Variants in RPS6KA2 observed in about 807,000 individuals in gnomAD.
RPS6KA2 encodes the protein ribosomal protein S6 kinase A2, also known as ribosomal protein S6 kinase alpha-2.
RPS6KA2 carries 42 observed loss-of-function variants against 91.8 expected under a neutral mutation model. That is an observed-to-expected ratio of 0.46 (90% CI 0.36 to 0.59). The LOEUF is 0.59. Ranked by LOEUF, RPS6KA2 falls within the 20% of genes least tolerant of loss-of-function variation. The probability of loss-of-function intolerance (pLI) is 0.00; values close to 1 mark genes in which losing one functional copy is unlikely to be tolerated. For missense variants in RPS6KA2, 798 were observed against 978.5 expected, an observed-to-expected ratio of 0.82 and a Z score of 2.46; for synonymous variants, 414 against 393.6, an observed-to-expected ratio of 1.05 and a Z score of -0.61.
At position 166,412,880 on chromosome 6, in the gene RPS6KA2, A is replaced by G. The variant is rs1420173811; in HGVS notation, c.2084T>C (p.Met695Thr). The G allele has an allele frequency of 6.4e-7, 1 of 1,554,724 alleles. No homozygotes were observed. The highest frequency in any genetic ancestry group is 2.0e-5 in the Admixed American group (1 of 51,158). Reference sequence around the variant, plus strand: ...GTTTAGAGCAAAGTAGGTGGCGGCCATCGCGCCCTGCAAAACAGAAGACAA... The same window carrying G: ...GTTTAGAGCAAAGTAGGTGGCGGCCGTCGCGCCCTGCAAAACAGAAGACAA... ...RQDVHLVKGAMAATYFALNRT... is the reference protein window; with the variant it reads ...RQDVHLVKGATAATYFALNRT... Residue 695 changes from methionine (M) to threonine (T), a missense_variant, in exon 21 of 21, where the codon ATG becomes ACG. By Grantham distance (81) the Met-to-Thr change is moderately conservative. Coordinates refer to ENST00000265678, the MANE Select transcript of RPS6KA2 (RefSeq NM_021135.6). The surrounding 1 kb of genome is among the most constrained non-coding windows in gnomAD (Gnocchi z 4.3).
intron 2 of RPS6KA2, among the ~76,000 whole-genome samples, chr6:166,837,072 G>A (rs1027740412): frequency 6.6e-5 from 10 of 152,166 alleles, no homozygotes; most frequent in South Asian, 2.1e-4. Context: ...GGCCACAGCC[G>A]GCTCTTCACT....
chr6:166,539,316 G>A (rs999599126), intron 1 of RPS6KA2, among the ~76,000 whole-genome samples: 2 of 152,160 alleles, frequency 1.3e-5, no homozygotes, highest in African/African-American at 4.8e-5. Context: ...TTGTCATTTG[G>A]TCTTACCAAG....
chr6:166,605,833 A>C (rs919708973), intron 1 of RPS6KA2, among the ~76,000 whole-genome samples: 1 of 152,252 alleles, frequency 6.6e-6, no homozygotes, highest in African/African-American at 2.4e-5. Flanking sequence ...TAAGACCTGA[A>C]ATGAAAACAC....
At chr6:166,622,781 A>C (rs1786692213) in intron 1 of RPS6KA2, among the ~76,000 whole-genome samples, 2 of 152,374 alleles carry the variant, frequency 1.3e-5, no homozygotes, top group African/African-American at 4.8e-5. Flanking sequence ...AAATAGAAAT[A>C]AATTGACAAT....
chr6:166,631,636 T>A (rs998082070), upstream of RPS6KA2, among the ~76,000 whole-genome samples: 3 of 152,260 alleles, frequency 2.0e-5, no homozygotes, highest in Non-Finnish European at 4.4e-5. Flanking sequence ...TAACACAGAT[T>A]TTTTTTCGTC....
chr6:166,493,967 G>T lies in RPS6KA2; in HGVS notation c.748-3226C>A, dbSNP rs1781695166. Among the ~76,000 whole-genome samples the T allele has an allele frequency of 6.6e-6, 1 of 152,200 alleles. No individual in the cohort carries two copies. The highest frequency in any genetic ancestry group is 6.5e-5 in the Admixed American group (1 of 15,282). On this transcript the variant is annotated intron_variant, in intron 8 of 20. Coordinates refer to ENST00000265678, the MANE Select transcript of RPS6KA2 (RefSeq NM_021135.6). This position sits in a 1 kb window ranked among gnomAD's most constrained non-coding sequence, Gnocchi z 4.7. The stretch of plus-strand genomic sequence containing the variant: ...AGGATGCGCCTCATGGAGGCCAGTG[G>T]TACTGGGGGCAGGGGAAGGAGGAGA...
chr6:166,690,380 G>A (rs898339346), intron 2 of RPS6KA2, among the ~76,000 whole-genome samples: 1 of 152,062 alleles, frequency 6.6e-6, no homozygotes, highest in African/African-American at 2.4e-5. Context: ...GAGGCAATAC[G>A]GAAATACAGA....
chr6:166,820,027 A>G (rs1209662750), intron 2 of RPS6KA2, among the ~76,000 whole-genome samples: 2 of 152,194 alleles, frequency 1.3e-5, no homozygotes, highest in Non-Finnish European at 1.5e-5. Flanking sequence ...GAACTCCTGC[A>G]AATCTGAGGT....
At chr6:166,760,658 G>A (rs867482107) in intron 2 of RPS6KA2, among the ~76,000 whole-genome samples, 2 of 152,172 alleles carry the variant, frequency 1.3e-5, no homozygotes, top group African/African-American at 2.4e-5. Context: ...TGCTGGAATC[G>A]CTTGAAATAG....
At chr6:166,815,417 G>A (rs182082539) in intron 2 of RPS6KA2, among the ~76,000 whole-genome samples, 1 of 152,248 alleles carries the variant, frequency 6.6e-6, no homozygotes, top group East Asian at 1.9e-4. Context: ...TCAAACTGCT[G>A]AGCTTTTTAG....
At chr6:166,804,000 T>C (rs918336880) in intron 2 of RPS6KA2, among the ~76,000 whole-genome samples, 1 of 152,228 alleles carries the variant, frequency 6.6e-6, no homozygotes, top group African/African-American at 2.4e-5. Flanking sequence ...AATACGAGCC[T>C]GTAAAACATT....
intron 1 of RPS6KA2, among the ~76,000 whole-genome samples, chr6:166,560,770 T>C (rs974006383): frequency 6.6e-6 from 1 of 152,204 alleles, no homozygotes; most frequent in African/African-American, 2.4e-5. Context: ...ACTGGCTTCC[T>C]ACCCCTGAAT....
rs1447236609 is a variant in RPS6KA2 at position 166,451,178 on chromosome 6, G to A, written c.1131C>T (p.Ser377=). The part of the protein sequence containing the change: ...ANAHHLFRGF[S]FVASSLIQEP... ...CCTGGATCAGGCTTGAGGCCACAAAGCTGAATCCTCTAAACAGGTGATGAG... is the reference window on the plus strand; with the variant it reads ...CCTGGATCAGGCTTGAGGCCACAAAACTGAATCCTCTAAACAGGTGATGAG... Residue 377 remains serine (S), a synonymous_variant, in exon 13 of 21, where the codon AGC becomes AGT. Coordinates refer to ENST00000265678, the MANE Select transcript of RPS6KA2 (RefSeq NM_021135.6). 3.1e-6 allele frequency: 5 copies of A among 1,614,028 alleles called. No individual in the cohort carries two copies. The highest frequency in any genetic ancestry group is 2.5e-6 in the Non-Finnish European group (3 of 1,180,016).
intron 6 of RPS6KA2, among the ~76,000 whole-genome samples, chr6:166,501,595 T>A (rs1782030452): frequency 1.3e-5 from 2 of 152,202 alleles, no homozygotes; most frequent in Admixed American, 6.5e-5. Context: ...TCCTCCCAGG[T>A]ATCCTGCCGT....
intron 2 of RPS6KA2, among the ~76,000 whole-genome samples, chr6:166,679,528 T>C (rs553999930): frequency 1.3e-3 from 195 of 152,030 alleles, no homozygotes; most frequent in African/African-American, 4.1e-3. Flanking sequence ...CTAGAAAACA[T>C]GAGATGAAGG....
At chr6:166,758,831 C>T (rs953447412) in intron 2 of RPS6KA2, among the ~76,000 whole-genome samples, 1 of 152,148 alleles carries the variant, frequency 6.6e-6, no homozygotes, top group African/African-American at 2.4e-5. Context: ...AAAGACGGGG[C>T]CCTGTCCATC....
At position 166,828,830 on chromosome 6, in the gene RPS6KA2, C is replaced by T. The variant is rs536375093; in HGVS notation, c.123+29370G>A. ...AACAACAAAAAATAGATAAATCAGA[C>T]GTCATCAAAATGTAAAACTTTTGTA... On this transcript the variant is annotated intron_variant, in intron 2 of 21. Transcript: ENST00000503859. 2.0e-5 allele frequency among the ~76,000 whole-genome samples: 3 copies of T among 152,196 alleles called. No individual in the cohort carries two copies. In the East Asian group the frequency reaches 5.8e-4, roughly 29 times the overall value.
intron 10 of RPS6KA2, among the ~76,000 whole-genome samples, chr6:166,476,903 T>C (rs1428934087): frequency 1.3e-5 from 2 of 152,092 alleles, no homozygotes; most frequent in East Asian, 1.9e-4. Context: ...TGCATATCCA[T>C]GCGAGGGCCC....
At chr6:166,444,237 T>C (rs1779606731) in intron 14 of RPS6KA2, among the ~76,000 whole-genome samples, 1 of 152,222 alleles carries the variant, frequency 6.6e-6, no homozygotes, top group Non-Finnish European at 1.5e-5. Context: ...TTAATCCTCC[T>C]GGATCACGAT....
Sources: gnomAD v4.1 joint callset for allele counts (sites outside exome capture counted in the v4.1 genomes callset) on GRCh38, gnomAD v4.1.1 for gene constraint, Gnocchi (gnomAD v3.1) non-coding constraint, MANE v1.5 for transcripts, NCBI Gene and HGNC (gene_info 2026-07-23, HGNC 2026-07-21) for gene names.